Variants in GALNT16 observed in about 807,000 individuals in gnomAD.
GALNT16 encodes the protein polypeptide N-acetylgalactosaminyltransferase 16.
A neutral mutation model predicts 76.1 loss-of-function variants in GALNT16; 40 were observed. The observed-to-expected ratio is 0.53, with a 90% CI of 0.41 to 0.68. GALNT16 has a LOEUF of 0.68. Ranked by LOEUF, GALNT16 falls within the 30% of genes least tolerant of loss-of-function variation. The probability of loss-of-function intolerance (pLI) is 0.00; values close to 1 mark genes in which losing one functional copy is unlikely to be tolerated. For missense variants in GALNT16, 621 were observed against 731.9 expected, an observed-to-expected ratio of 0.85 and a Z score of 1.75; for synonymous variants, 276 against 285.2, an observed-to-expected ratio of 0.97 and a Z score of 0.32.
intron 9 of GALNT16, among the ~76,000 whole-genome samples, chr14:69,337,922 C>G (rs778848410): frequency 6.6e-6 from 1 of 152,122 alleles, no homozygotes; most frequent in Non-Finnish European, 1.5e-5. Flanking sequence ...AAGGAAAGTA[C>G]GAAATCAAAA....
chr14:69,289,191 A>G (rs2044657662), intron 1 of GALNT16, among the ~76,000 whole-genome samples: 1 of 151,938 alleles, frequency 6.6e-6, no homozygotes, highest in South Asian at 2.1e-4. Context: ...TAGAAGTCTC[A>G]TTGTTTTCCC....
At chr14:69,342,535 GAAA>G (rs1566888502) in intron 12 of GALNT16, among the ~76,000 whole-genome samples, 20 of 64,866 alleles carry the variant, frequency 3.1e-4, no homozygotes, top group African/African-American at 6.4e-4. Flanking sequence ...GAGAGGAAAA[GAAA>G]AGAAAAGGAG....
At chr14:69,343,273 CT>C (rs1241519623) in intron 12 of GALNT16, among the ~76,000 whole-genome samples, 1 of 152,230 alleles carries the variant, frequency 6.6e-6, no homozygotes, top group East Asian at 1.9e-4. Context: ...AGAGGCAAAT[CT>C]TTGTCCTTTG....
chr14:69,289,845 T>C (rs1221821061), intron 1 of GALNT16, among the ~76,000 whole-genome samples: 1 of 152,136 alleles, frequency 6.6e-6, no homozygotes, highest in African/African-American at 2.4e-5. Flanking sequence ...GCAATTCTCA[T>C]GCCTCAACTT....
rs1441627110 is a variant in GALNT16 at position 69,328,446 on chromosome 14, G to A, written c.569-4G>A. ...GCGCCAAGCCCTATCTACTCCTCTTGTAGGGCTGATCCGGTCCCGAGTGCG... is the reference window on the plus strand; with the variant it reads ...GCGCCAAGCCCTATCTACTCCTCTTATAGGGCTGATCCGGTCCCGAGTGCG... On this transcript the variant is annotated splice_polypyrimidine_tract_variant and splice_region_variant and intron_variant, in intron 5 of 14. Coordinates refer to ENST00000448469, the MANE Select transcript of GALNT16 (RefSeq NM_001168368.2). 4 of 1,613,662 alleles carry A rather than the reference G, an allele frequency of 2.5e-6. No homozygotes were observed. In the African/African-American group the frequency reaches 5.3e-5, roughly 22 times the overall value.
Position 69,338,306 on chromosome 14 carries a change from T to G in GALNT16, c.968-345T>G, listed in dbSNP as rs182323634. ...CAGATGTGTTTTTCCTTAGCTCATG[T>G]CTGTCTGGGGCTTTCTAGACAGAGC... On this transcript the variant is annotated intron_variant, in intron 9 of 14. Transcript: ENST00000448469. Among the ~76,000 whole-genome samples, 521 of 152,336 alleles carry G rather than the reference T, an allele frequency of 3.4e-3. 2 individuals are homozygous for G. The highest frequency in any genetic ancestry group is 0.012 in the African/African-American group (487 of 41,578).
chr14:69,361,388 C>T (rs1183743151), downstream of GALNT16, among the ~76,000 whole-genome samples: 1 of 152,122 alleles, frequency 6.6e-6, no homozygotes, highest in Non-Finnish European at 1.5e-5. Context: ...ACATATCTGC[C>T]CAAGATTACC....
intron 1 of GALNT16, among the ~76,000 whole-genome samples, chr14:69,314,449 A>T (rs1022055717): frequency 1.3e-5 from 2 of 152,196 alleles, no homozygotes; most frequent in Admixed American, 1.3e-4. Context: ...AGATGGGGAC[A>T]TGTCTGGAGC....
At chr14:69,320,654 G>C (rs747969910) in intron 1 of GALNT16, 57 bp from the exon 2 acceptor site, 30 of 1,538,366 alleles carry the variant, frequency 2.0e-5, no homozygotes, top group Non-Finnish European at 2.3e-5. Flanking sequence ...CTGAGCACTC[G>C]CCAAGCAGTG....
At chr14:69,300,175 C>T (rs543022300) in intron 1 of GALNT16, among the ~76,000 whole-genome samples, 1 of 152,364 alleles carries the variant, frequency 6.6e-6, no homozygotes, top group South Asian at 2.1e-4. Flanking sequence ...GTGAACCCCT[C>T]TGTGTCCCCT....
rs2045644295 is a variant in GALNT16, at chr14:69,352,052, T to G, written c.1561T>G (p.Phe521Val). 1 of 1,613,532 alleles carries G rather than the reference T, an allele frequency of 6.2e-7. No homozygotes were observed. The highest frequency in any genetic ancestry group is 8.5e-7 in the Non-Finnish European group (1 of 1,179,606). ...GKQKWRRKGSFIQHSVSGLCL... is the reference protein window; with the variant it reads ...GKQKWRRKGSVIQHSVSGLCL... ...CTAGAAATGGAGGAGAAAAGGATCT[T>G]TCATCCAGCATTCAGTCAGTGGCCT... The change falls in exon 15 of 15, where the codon TTC (phenylalanine) becomes GTC (valine). Residue 521 changes from phenylalanine (F) to valine (V), a missense_variant. Phe to Val is a conservative substitution (Grantham distance 50). Coordinates refer to ENST00000448469, the MANE Select transcript of GALNT16 (RefSeq NM_001168368.2).
chr14:69,371,413 C>T, the GALNT16 span, among the ~76,000 whole-genome samples: 1 of 151,530 alleles, frequency 6.6e-6, no homozygotes, highest in Non-Finnish European at 1.5e-5. Flanking sequence ...ACCACCACGC[C>T]CAGCTTATTT....
At chr14:69,264,961 G>A (rs887991405) in intron 1 of GALNT16, among the ~76,000 whole-genome samples, 2 of 151,832 alleles carry the variant, frequency 1.3e-5, no homozygotes, top group African/African-American at 4.8e-5. Context: ...CTACAAGTGT[G>A]TGCCACCACA....
At chr14:69,281,331 C>T (rs974418549) in intron 1 of GALNT16, among the ~76,000 whole-genome samples, 1 of 152,164 alleles carries the variant, frequency 6.6e-6, no homozygotes, top group Non-Finnish European at 1.5e-5. Context: ...GACAGCTAAT[C>T]AGTCACAGTG....
In GALNT16 at chr14:69,328,567, A is replaced by G; in HGVS notation, c.686A>G (p.Lys229Arg). Residue 229 changes from lysine to arginine, a missense_variant, in exon 6 of 15, where the codon AAG (lysine) becomes AGG (arginine). Physicochemically the swap from Lys to Arg is conservative, Grantham distance 26. Transcript: ENST00000448469. Reference protein sequence around the residue: ...EWLPPMLQRVKEDHTRVVSPI... With the variant: ...EWLPPMLQRVREDHTRVVSPI... ...CTGCCGCCCATGCTGCAGCGGGTGA[A>G]GGAGGTGAGCCACTGTCTCTGGGGA... is the stretch of plus-strand genomic sequence containing the variant. 6.2e-7 allele frequency: 1 copy of G among 1,612,686 alleles called. No individual in the cohort carries two copies. Among genetic ancestry groups the G allele is most frequent in the Non-Finnish European group, 8.5e-7 (1 of 1,179,704 alleles).
the GALNT16 span, among the ~76,000 whole-genome samples, chr14:69,378,238 C>G: frequency 6.6e-6 from 1 of 152,194 alleles, no homozygotes; most frequent in Non-Finnish European, 1.5e-5. Flanking sequence ...CCTCTTAAAT[C>G]AAGCACTACA....
Position 69,260,282 on chromosome 14 carries a change from C to T in GALNT16, c.-9C>T, listed in dbSNP as rs2044244925. On this transcript the variant is annotated 5_prime_UTR_variant, in exon 1 of 15. Coordinates refer to ENST00000448469, the MANE Select transcript of GALNT16 (RefSeq NM_001168368.2). ...CCAGTCCCCCACCTGGGGCGCCCGT[C>T]TGCCCACCATGAGGAAGATCCGCGC... is the stretch of plus-strand genomic sequence containing the variant. The T allele has an allele frequency of 1.2e-6, 2 of 1,611,964 alleles. No individual in the cohort carries two copies. The highest frequency in any genetic ancestry group is 2.2e-5 in the South Asian group (2 of 90,970).
At chr14:69,299,174 A>G (rs2044812008) in intron 1 of GALNT16, among the ~76,000 whole-genome samples, 4 of 152,200 alleles carry the variant, frequency 2.6e-5, no homozygotes, top group Admixed American at 2.0e-4. Flanking sequence ...CTAGTAAAAC[A>G]GCAAAACTCC....
chr14:69,327,344 C>T (rs562782466), intron 5 of GALNT16, among the ~76,000 whole-genome samples: 10 of 151,974 alleles, frequency 6.6e-5, no homozygotes, highest in African/African-American at 1.9e-4. Flanking sequence ...GGTGACAGAG[C>T]GACACTCAGT....
Sources: allele counts gnomAD v4.1 joint callset (sites outside exome capture counted in the v4.1 genomes callset), GRCh38; gene constraint gnomAD v4.1.1; transcripts MANE v1.5; gene names NCBI Gene and HGNC (gene_info 2026-07-23, HGNC 2026-07-21).